TMEM132D: variants seen among roughly 807,000 people sequenced by gnomAD.
The protein encoded by TMEM132D is mature OL transmembrane protein.
Under a neutral mutation model 62.3 loss-of-function variants are expected in TMEM132D, and 21 were observed. The ratio of observed to expected loss-of-function variants is 0.34; its 90% CI spans 0.24 to 0.49. The LOEUF is 0.49. Ranked by LOEUF, TMEM132D falls within the 20% of genes least tolerant of loss-of-function variation. TMEM132D has a pLI of 0.99. For synonymous variants in TMEM132D, 621 were observed against 575.6 expected (o/e 1.08, Z -1.13); for missense variants, 1,346 against 1,402.8 (o/e 0.96, Z 0.65).
intron 3 of TMEM132D, among the ~76,000 whole-genome samples, chr12:129,416,507 AT>A (rs1240722001): frequency 6.6e-6 from 1 of 152,160 alleles, no homozygotes; most frequent in Non-Finnish European, 1.5e-5. Flanking sequence ...AACAGAGACA[AT>A]TTGACCTCCT....
chr12:129,648,134 C>T (rs1879833726), intron 2 of TMEM132D, among the ~76,000 whole-genome samples: 1 of 152,160 alleles, frequency 6.6e-6, no homozygotes, highest in Non-Finnish European at 1.5e-5. Flanking sequence ...CTAACCTTCC[C>T]AATCGCTCCT....
chr12:129,204,574 G>A lies in TMEM132D; in HGVS notation c.1443+4946C>T, dbSNP rs76454654. Among the ~76,000 whole-genome samples the A allele has an allele frequency of 4.9e-4, 74 of 152,296 alleles. 2 individuals carry two copies. In the East Asian group the frequency reaches 0.013, roughly 26 times the overall value. On this transcript the variant is annotated intron_variant, in intron 5 of 8. Transcript: ENST00000422113. ...CTCACTGGTATCCCTGAAAGAGACA[G>A]GAAGAAAGCAAGCAACTTGGAAAAC...
intron 3 of TMEM132D, among the ~76,000 whole-genome samples, chr12:129,415,976 G>C (rs1593370938): frequency 6.6e-6 from 1 of 152,166 alleles, no homozygotes; most frequent in African/African-American, 2.4e-5. Context: ...TCCCCCTTCT[G>C]TACTGAGGTG....
At chr12:129,094,222 A>C (rs1875024322) in intron 5 of TMEM132D, among the ~76,000 whole-genome samples, 1 of 152,240 alleles carries the variant, frequency 6.6e-6, no homozygotes, top group South Asian at 2.1e-4. Flanking sequence ...AGCAAAAGAA[A>C]CTACCATCAG....
chr12:129,500,096 A>G (rs1364704366), intron 3 of TMEM132D, among the ~76,000 whole-genome samples: 1 of 145,546 alleles, frequency 6.9e-6, no homozygotes, highest in Non-Finnish European at 1.5e-5. Context: ...GAGGCAATTC[A>G]CCTGACCTCA....
chr12:129,804,340 C>T (rs1343824539), intron 1 of TMEM132D, among the ~76,000 whole-genome samples: 2 of 101,320 alleles, frequency 2.0e-5, no homozygotes, highest in African/African-American at 7.1e-5. Context: ...AGCTTATCCA[C>T]CATGATCAAG....
At chr12:129,804,261 C>G (rs1160663465) in intron 1 of TMEM132D, among the ~76,000 whole-genome samples, 4,747 of 78,712 alleles carry the variant, frequency 0.06, 168 homozygotes, top group Non-Finnish European at 0.071. Context: ...AGACCAATAT[C>G]CTTGATGAAC....
At chr12:129,735,483 T>C (rs1032466223) in intron 1 of TMEM132D, among the ~76,000 whole-genome samples, 2 of 152,212 alleles carry the variant, frequency 1.3e-5, no homozygotes, top group Admixed American at 6.5e-5. Context: ...GTACAAATGA[T>C]ACTATATTTT....
intron 3 of TMEM132D, among the ~76,000 whole-genome samples, chr12:129,359,024 CCTCT>C (rs1566044360): frequency 1.3e-5 from 2 of 151,872 alleles, no homozygotes; most frequent in Admixed American, 6.6e-5. Context: ...GTGAAAACAA[CCTCT>C]CTATTGACAG....
chr12:129,654,498 C>A (rs965395004), intron 2 of TMEM132D, among the ~76,000 whole-genome samples: 2 of 152,122 alleles, frequency 1.3e-5, no homozygotes, highest in African/African-American at 4.8e-5. Flanking sequence ...TTTCTTCCCC[C>A]CTAATAACCA....
At chr12:129,303,883 G>A (rs1200583988) in intron 4 of TMEM132D, among the ~76,000 whole-genome samples, 2 of 152,098 alleles carry the variant, frequency 1.3e-5, no homozygotes, top group East Asian at 1.9e-4. Context: ...TGAGAACCAG[G>A]AGCTCCAATG....
intron 3 of TMEM132D, among the ~76,000 whole-genome samples, chr12:129,474,191 G>A (rs998081104): frequency 2.0e-5 from 3 of 152,302 alleles, no homozygotes; most frequent in Non-Finnish European, 4.4e-5. Flanking sequence ...TGTCACAGGG[G>A]ACTCGGGAAC....
At chr12:129,247,017 C>A (rs1880138785) in intron 4 of TMEM132D, among the ~76,000 whole-genome samples, 1 of 152,104 alleles carries the variant, frequency 6.6e-6, no homozygotes, top group Non-Finnish European at 1.5e-5. Flanking sequence ...GAAAACTGTA[C>A]CAGCTATAAT....
rs1176348310 is a variant in TMEM132D, at chr12:129,827,901, CT to C, written c.79+75359del. Among the ~76,000 whole-genome samples the C allele has an allele frequency of 6.6e-5, 10 of 152,200 alleles. No homozygotes were observed. The highest frequency in any genetic ancestry group is 1.5e-4 in the Non-Finnish European group (10 of 68,008). ...ACTAAGTGATAAAACCATAATCTTC[CT>C]AAAGAAATGGGCCACATGTTTGTTT... On this transcript the variant is annotated intron_variant, in intron 1 of 8. Coordinates refer to ENST00000422113, the MANE Select transcript of TMEM132D (RefSeq NM_133448.3). This position sits in a 1 kb window ranked among gnomAD's most constrained non-coding sequence, Gnocchi z 9.7.
chr12:129,788,474 A>C (rs1341123565), intron 1 of TMEM132D, among the ~76,000 whole-genome samples: 2 of 152,370 alleles, frequency 1.3e-5, no homozygotes, highest in Non-Finnish European at 2.9e-5. Context: ...AAAGGAAATA[A>C]TCATGATTTT....
chr12:129,494,978 T>C (rs1219634028), intron 3 of TMEM132D, among the ~76,000 whole-genome samples: 3 of 152,142 alleles, frequency 2.0e-5, no homozygotes, highest in Non-Finnish European at 4.4e-5. Context: ...AAATGAGCAG[T>C]GAGCAGGCAC....
chr12:129,702,807 G>A (rs1036622361), intron 1 of TMEM132D, among the ~76,000 whole-genome samples: 9 of 152,206 alleles, frequency 5.9e-5, no homozygotes, highest in South Asian at 2.1e-4. Context: ...TGATAAACAC[G>A]TGAATGAATA....
chr12:129,835,935 C>G (rs948020261), intron 1 of TMEM132D, among the ~76,000 whole-genome samples: 14 of 152,216 alleles, frequency 9.2e-5, no homozygotes. Flanking sequence ...GTACAACTCC[C>G]AGATGCTCAA....
chr12:129,448,142 T>C (rs1235994194), intron 3 of TMEM132D, among the ~76,000 whole-genome samples: 1 of 152,192 alleles, frequency 6.6e-6, no homozygotes, highest in Non-Finnish European at 1.5e-5. Context: ...CATTAATCTT[T>C]TTATTCTTTA....
Sources: gnomAD v4.1 joint callset for allele counts (sites outside exome capture counted in the v4.1 genomes callset) on GRCh38, gnomAD v4.1.1 for gene constraint, Gnocchi (gnomAD v3.1) non-coding constraint, MANE v1.5 for transcripts, NCBI Gene and HGNC (gene_info 2026-07-23, HGNC 2026-07-21) for gene names.